AKAP13: variants seen among roughly 807,000 people sequenced by gnomAD.
AKAP13 encodes A-kinase anchoring protein 13, also known as A-kinase anchor protein 13.
In AKAP13, 80 loss-of-function variants were observed where a neutral mutation model predicts 264.5. The ratio of observed to expected loss-of-function variants is 0.30; its 90% CI spans 0.25 to 0.36. AKAP13 has a LOEUF of 0.36. Among genes scored for constraint, AKAP13 ranks in the 10% least tolerant of loss-of-function variants. The pLI is 1.00. For missense variants in AKAP13, 3,712 were observed against 3,435.2 expected, an observed-to-expected ratio of 1.08 and a Z score of -2.01; for synonymous variants, 1,380 against 1,250.2, an observed-to-expected ratio of 1.10 and a Z score of -2.19.
intron 8 of AKAP13, among the ~76,000 whole-genome samples, chr15:85,635,748 G>A (rs758284150): frequency 1.7e-4 from 26 of 152,196 alleles, no homozygotes; most frequent in Middle Eastern, 3.4e-3. Context: ...AAGGTTTGGG[G>A]TAAGATTTTA....
Position 85,735,096 on chromosome 15 carries a change from C to A in AKAP13, c.7387C>A (p.Arg2463=), listed in dbSNP as rs759792670. Residue 2463 remains arginine (R), a synonymous_variant, in exon 31 of 37, where the codon CGG becomes AGG. Coordinates refer to ENST00000394518, the MANE Select transcript of AKAP13 (RefSeq NM_007200.5). ...QDVVGPVSLP[R]RAETFGGFDS... ...TGTGGTCGGTCCCGTTTCCCTGCCC[C>A]GGAGAGCAGAGACCTTTGGAGGATT... The A allele has an allele frequency of 6.2e-7, 1 of 1,614,132 alleles. No homozygotes were observed. The highest frequency in any genetic ancestry group is 1.7e-5 in the Admixed American group (1 of 60,018).
intron 14 of AKAP13, 88 bp from the exon 15 acceptor site, chr15:85,682,070 A>G: frequency 8.0e-7 from 1 of 1,254,656 alleles, no homozygotes; most frequent in Non-Finnish European, 1.2e-6. Flanking sequence ...TTTTTGCTTT[A>G]GCTGTGTCAT....
At chr15:85,452,128 TCCTTAG>T (rs1461297803) in intron 1 of AKAP13, among the ~76,000 whole-genome samples, 1 of 152,188 alleles carries the variant, frequency 6.6e-6, no homozygotes, top group African/African-American at 2.4e-5. Flanking sequence ...TGAAATTCTT[TCCTTAG>T]CTTTGGTTTA....
intron 7 of AKAP13, chr15:85,583,208 TC>T (rs2151310658): frequency 3.1e-6 from 3 of 981,270 alleles, no homozygotes; most frequent in South Asian, 9.4e-5. Flanking sequence ...TTTTTGCTGT[TC>T]TTTTCAATTT....
chr15:85,580,741 C>T lies in AKAP13; in HGVS notation c.2673C>T (p.Asp891=). Residue 891 remains aspartate (D), a synonymous_variant, in exon 7 of 37, where the codon GAC becomes GAT. Coordinates refer to ENST00000394518, the MANE Select transcript of AKAP13 (RefSeq NM_007200.5). The stretch of plus-strand genomic sequence containing the variant: ...CTCTGAATATCAAGGGGAACACTGA[C>T]TCTTCCCTGCAAAGTGTGGGTAAGG... ...PEALNIKGNT[D]SSLQSVGKAT... The T allele has an allele frequency of 6.2e-7, 1 of 1,614,160 alleles. No homozygotes were observed. The highest frequency in any genetic ancestry group is 8.5e-7 in the Non-Finnish European group (1 of 1,180,036).
chr15:85,397,177 CAG>C (rs1335137656), intron 1 of AKAP13, among the ~76,000 whole-genome samples: 2 of 151,990 alleles, frequency 1.3e-5, no homozygotes, highest in Non-Finnish European at 2.9e-5. Context: ...TATTTAAAAA[CAG>C]TGTTGATATC....
chr15:85,544,562 T>C (rs1159835508), intron 5 of AKAP13, among the ~76,000 whole-genome samples: 1 of 152,242 alleles, frequency 6.6e-6, no homozygotes, highest in Non-Finnish European at 1.5e-5. Flanking sequence ...AATTATTATA[T>C]GTCCTGACTC....
intron 8 of AKAP13, among the ~76,000 whole-genome samples, chr15:85,605,711 T>C (rs2080293810): frequency 6.6e-6 from 1 of 152,192 alleles, no homozygotes; most frequent in Non-Finnish European, 1.5e-5. Flanking sequence ...TCAATATGTA[T>C]TTAGACATAT....
intron 32 of AKAP13, among the ~76,000 whole-genome samples, chr15:85,735,856 C>G (rs895560865): frequency 6.6e-6 from 1 of 152,204 alleles, no homozygotes; most frequent in South Asian, 2.1e-4. Context: ...ACATTCATAA[C>G]TCTACCATGG....
intron 5 of AKAP13, among the ~76,000 whole-genome samples, chr15:85,559,334 C>G (rs1376821696): frequency 1.3e-5 from 2 of 152,000 alleles, no homozygotes; most frequent in African/African-American, 2.4e-5. Flanking sequence ...AAATAGAAAT[C>G]TCTATTTCAG....
At chr15:85,421,646 A>G (rs1245150348) in intron 1 of AKAP13, among the ~76,000 whole-genome samples, 1 of 152,226 alleles carries the variant, frequency 6.6e-6, no homozygotes, top group Admixed American at 6.5e-5. Flanking sequence ...CTTCTCTCTA[A>G]TATTCACTCT....
rs377495504 is a variant in AKAP13 at position 85,658,525 on chromosome 15, A to G, written c.4746-12A>G. 1.2e-6 allele frequency: 2 copies of G among 1,613,504 alleles called. No individual in the cohort carries two copies. The highest frequency in any genetic ancestry group is 2.7e-5 in the African/African-American group (2 of 74,910). The stretch of plus-strand genomic sequence containing the variant: ...CACCTGCAACACTGACCTCTTCACC[A>G]TTCATTTTCAGTTCAATGCGAGTTC... On this transcript the variant is annotated splice_polypyrimidine_tract_variant and intron_variant, in intron 11 of 36. Coordinates refer to ENST00000394518, the MANE Select transcript of AKAP13 (RefSeq NM_007200.5).
chr15:85,547,120 C>T (rs975046194), intron 5 of AKAP13, among the ~76,000 whole-genome samples: 13 of 152,122 alleles, frequency 8.5e-5, no homozygotes, highest in African/African-American at 1.7e-4. Flanking sequence ...ACATATAAGC[C>T]GGCCTCTTTT....
intron 8 of AKAP13, among the ~76,000 whole-genome samples, chr15:85,609,910 T>C (rs1364987466): frequency 3.3e-5 from 5 of 152,228 alleles, no homozygotes; most frequent in Non-Finnish European, 7.3e-5. Flanking sequence ...GAGATCCTCT[T>C]CCTTTTGCTG....
At chr15:85,520,769 A>G in intron 2 of AKAP13, 1 of 513,602 alleles carries the variant, frequency 1.9e-6, no homozygotes, top group East Asian at 5.5e-5. Context: ...TGTGTTGTTT[A>G]AACTATGGGG....
At chr15:85,460,558 A>G (rs749503054) in intron 1 of AKAP13, among the ~76,000 whole-genome samples, 1 of 152,196 alleles carries the variant, frequency 6.6e-6, no homozygotes, top group Non-Finnish European at 1.5e-5. Context: ...CTTGGAACCT[A>G]TGAACATTTT....
At position 85,734,634 on chromosome 15, in the gene AKAP13, T is replaced by C. The variant is rs556175793; in HGVS notation, c.7283-358T>C. Among the ~76,000 whole-genome samples the C allele has an allele frequency of 2.6e-5, 4 of 152,378 alleles. No individual in the cohort carries two copies. In the East Asian group the frequency reaches 7.7e-4, roughly 29 times the overall value. On this transcript the variant is annotated intron_variant, in intron 30 of 36. Coordinates refer to ENST00000394518, the MANE Select transcript of AKAP13 (RefSeq NM_007200.5). ...TATTGGCAAAGCCAGAAATCCTGAC[T>C]GTTTTACTTGCTGTTCTCAAATCAA...
chr15:85,541,518 A>G (rs376282029), intron 4 of AKAP13, among the ~76,000 whole-genome samples: 18 of 152,314 alleles, frequency 1.2e-4, no homozygotes, highest in African/African-American at 4.3e-4. Context: ...TGCTTGTATG[A>G]TTGCTTGTTT....
rs1237650978 is a variant in AKAP13, at chr15:85,586,158, C to T, written c.4161+335C>T. On this transcript the variant is annotated intron_variant, in intron 8 of 36. Transcript: ENST00000394518. Reference sequence around the variant, plus strand: ...CTATCACAAAAGGGGATCTATAGACCTTTTCTTTCTTTTTTTCTTTCCTTC... The same window carrying T: ...CTATCACAAAAGGGGATCTATAGACTTTTTCTTTCTTTTTTTCTTTCCTTC... Among the ~76,000 whole-genome samples, 3 of 151,582 alleles carry T rather than the reference C, an allele frequency of 2.0e-5. No individual in the cohort carries two copies. The East Asian group carries it at 5.8e-4, about 29-fold the overall frequency.
Sources: gnomAD v4.1 joint callset for allele counts (sites outside exome capture counted in the v4.1 genomes callset) on GRCh38, gnomAD v4.1.1 for gene constraint, MANE v1.5 for transcripts, NCBI Gene and HGNC (gene_info 2026-07-23, HGNC 2026-07-21) for gene names.